Variants in AAR2 observed in about 807,000 individuals in gnomAD.
AAR2 encodes the protein AAR2 splicing factor, also known as protein AAR2 homolog.
In AAR2, 31 loss-of-function variants were observed where a neutral mutation model predicts 26.9. That is an observed-to-expected ratio of 1.15 (90% CI 0.86 to 1.55). The LOEUF (loss-of-function observed/expected upper bound fraction) is 1.55, where lower values mean the gene tolerates loss of function less well. Among genes scored for constraint, AAR2 ranks in the 40% most tolerant of loss-of-function variants. The pLI, the probability that AAR2 is intolerant of heterozygous loss-of-function variation, is 0.00. For synonymous variants in AAR2, 188 were observed against 196.1 expected, an observed-to-expected ratio of 0.96 and a Z score of 0.34; for missense variants, 430 against 491.3, an observed-to-expected ratio of 0.88 and a Z score of 1.18.
intron 3 of AAR2, among the ~76,000 whole-genome samples, chr20:36,248,492 C>G (rs748451042): frequency 6.6e-6 from 1 of 152,040 alleles, no homozygotes; most frequent in Non-Finnish European, 1.5e-5. Flanking sequence ...TGCACCACCA[C>G]GCCAACCTAA....
At position 36,256,043 on chromosome 20, in the gene AAR2, G is replaced by A. The variant is rs2064818792; in HGVS notation, c.*298G>A. On this transcript the variant is annotated 3_prime_UTR_variant, in exon 4 of 4. Transcript: ENST00000320849. ...CTCCTAGGAGACATCTGCCTACACG[G>A]CAACCATATTTCCTCTGAATGAGAA... The A allele has an allele frequency of 3.3e-6, 1 of 303,900 alleles. No homozygotes were observed. Among genetic ancestry groups the A allele is most frequent in the East Asian group, 5.5e-5 (1 of 18,142 alleles). The allele number at this position is 303,900 out of a possible 1,614,324, so 18.8% of individuals were successfully genotyped here. A position where few individuals can be genotyped will look rare whatever the true frequency, so the allele number is the denominator to read the frequency against.
At chr20:36,250,448 T>G (rs558124969) in intron 3 of AAR2, among the ~76,000 whole-genome samples, 2 of 152,244 alleles carry the variant, frequency 1.3e-5, no homozygotes, top group Non-Finnish European at 2.9e-5. Context: ...AGACCACTGT[T>G]AAGTTTCCTG....
Position 36,256,096 on chromosome 20 carries a change from A to C in AAR2, c.*351A>C. ...AATTGAACCAAAAGTCCAAGAAAGAACTGATTGCTTGTTCCATAGGAGCTT... is the reference window on the plus strand; with the variant it reads ...AATTGAACCAAAAGTCCAAGAAAGACCTGATTGCTTGTTCCATAGGAGCTT... On this transcript the variant is annotated 3_prime_UTR_variant, in exon 4 of 4. Transcript: ENST00000320849. The C allele has an allele frequency of 5.0e-6, 1 of 200,854 alleles. No individual in the cohort carries two copies. The highest frequency in any genetic ancestry group is 1.0e-5 in the Non-Finnish European group (1 of 99,276). The allele number at this position is 200,854 out of a possible 1,614,324, so 12.4% of individuals were successfully genotyped here.
chr20:36,245,358 T>A (rs1415518673), intron 3 of AAR2, among the ~76,000 whole-genome samples: 1 of 152,244 alleles, frequency 6.6e-6, no homozygotes, highest in Admixed American at 6.5e-5. Flanking sequence ...AAACAAAATG[T>A]GCCAGTTTCT....
chr20:36,237,714 T>G (rs1746616467), intron 1 of AAR2, among the ~76,000 whole-genome samples: 1 of 151,034 alleles, frequency 6.6e-6, no homozygotes, highest in Non-Finnish European at 1.5e-5. Flanking sequence ...TATTAAATAC[T>G]TTCTGAATTC....
At chr20:36,237,427 CTT>C (rs1414156506) in intron 1 of AAR2, among the ~76,000 whole-genome samples, 4 of 152,090 alleles carry the variant, frequency 2.6e-5, no homozygotes. Context: ...ATGGATGTGA[CTT>C]TAGGTGTTCC....
rs369341506 is a variant in AAR2, at chr20:36,239,698, A to T, written c.-48-123A>T. 87 of 755,210 alleles carry T rather than the reference A, an allele frequency of 1.2e-4. 1 individual carries two copies. The East Asian group carries it at 1.2e-3, about 11-fold the overall frequency. The allele number at this position is 755,210 out of a possible 1,614,324, so 46.8% of individuals were successfully genotyped here. On this transcript the variant is annotated intron_variant, in intron 1 of 3. Transcript: ENST00000320849. Reference sequence around the variant, plus strand: ...TCTGTAAACTCAATGCAGGGTTGTCATGAGGATTAAGGGAAATAATTATGT... The same window carrying T: ...TCTGTAAACTCAATGCAGGGTTGTCTTGAGGATTAAGGGAAATAATTATGT...
chr20:36,248,234 G>T (rs2064753052), intron 3 of AAR2, among the ~76,000 whole-genome samples: 1 of 152,040 alleles, frequency 6.6e-6, no homozygotes, highest in Non-Finnish European at 1.5e-5. Context: ...CATGAGATGT[G>T]CTTGCTGAAA....
In AAR2 at chr20:36,256,198, T is replaced by G. The variant is rs931625701; in HGVS notation, c.*453T>G. 6.5e-6 allele frequency: 1 copy of G among 154,496 alleles called. No individual in the cohort carries two copies. The highest frequency in any genetic ancestry group is 1.4e-5 in the Non-Finnish European group (1 of 69,696). The allele number at this position is 154,496 out of a possible 1,614,324, so 9.6% of individuals were successfully genotyped here. A position where few individuals can be genotyped will look rare whatever the true frequency, so the allele number is the denominator to read the frequency against. The stretch of plus-strand genomic sequence containing the variant: ...ACTTTTTTTGCGGTTAAATGAAGGG[T>G]GATGGGGAGATCAGCCCGAATTGCC... On this transcript the variant is annotated 3_prime_UTR_variant, in exon 4 of 4. Transcript: ENST00000320849.
At chr20:36,252,359 C>T (rs2064786711) in intron 3 of AAR2, among the ~76,000 whole-genome samples, 1 of 152,076 alleles carries the variant, frequency 6.6e-6, no homozygotes, top group Non-Finnish European at 1.5e-5. Flanking sequence ...GGCGCTGTGC[C>T]GAGAGTGGAG....
In AAR2 at chr20:36,240,415, A is replaced by G. The variant is rs1038239797; in HGVS notation, c.547A>G (p.Ile183Val). Residue 183 changes from isoleucine to valine, a missense_variant, in exon 2 of 4, where the codon ATT becomes GTT. Coordinates refer to ENST00000320849, the MANE Select transcript of AAR2 (RefSeq NM_001271874.2). ...RVGQNLPRCG[I>V]ECKSYQEGLA... ...GGGGCAGAATCTACCCCGCTGTGGCATTGAGTGCAAAAGCTACCAAGAGGG... is the reference window on the plus strand; with the variant it reads ...GGGGCAGAATCTACCCCGCTGTGGCGTTGAGTGCAAAAGCTACCAAGAGGG... The G allele has an allele frequency of 3.7e-6, 6 of 1,614,114 alleles. No individual in the cohort carries two copies. The highest frequency in any genetic ancestry group is 4.5e-5 in the East Asian group (2 of 44,894).
intron 2 of AAR2, among the ~76,000 whole-genome samples, chr20:36,243,232 A>T (rs1399054590): frequency 1.3e-5 from 2 of 152,272 alleles, no homozygotes; most frequent in African/African-American, 2.4e-5. Context: ...AAATTTAATA[A>T]ATGTCCTAAA....
chr20:36,242,477 G>A (rs892188215), intron 2 of AAR2, among the ~76,000 whole-genome samples: 6 of 151,840 alleles, frequency 4.0e-5, no homozygotes, highest in Admixed American at 2.0e-4. Flanking sequence ...TGCAAGCTCC[G>A]CCTCCCGGGT....
At chr20:36,252,197 G>A (rs1462277948) in intron 3 of AAR2, among the ~76,000 whole-genome samples, 2 of 152,168 alleles carry the variant, frequency 1.3e-5, no homozygotes, top group African/African-American at 4.8e-5. Flanking sequence ...CTTCTCCTTA[G>A]GATGAGCCTT....
At chr20:36,246,431 G>A (rs2064735200) in intron 3 of AAR2, among the ~76,000 whole-genome samples, 1 of 152,208 alleles carries the variant, frequency 6.6e-6, no homozygotes, top group Non-Finnish European at 1.5e-5. Flanking sequence ...ACTCAGAAGA[G>A]CTATAAAACT....
chr20:36,239,344 G>A (rs926738494), intron 1 of AAR2, among the ~76,000 whole-genome samples: 1 of 152,228 alleles, frequency 6.6e-6, no homozygotes, highest in African/African-American at 2.4e-5. Context: ...AACTGGATAT[G>A]TACTTGATTT....
intron 1 of AAR2, among the ~76,000 whole-genome samples, chr20:36,238,798 GT>G (rs1364443412): frequency 1.3e-5 from 2 of 151,488 alleles, no homozygotes; most frequent in Admixed American, 6.6e-5. Flanking sequence ...CAGGCAGCTC[GT>G]TTTTCTGTGT....
At chr20:36,240,658 C>T (rs1400108642) in intron 2 of AAR2, 33 bp downstream of exon 2, 1 of 1,592,994 alleles carries the variant, frequency 6.3e-7, no homozygotes, top group Non-Finnish European at 8.6e-7. Context: ...GGGAGTGGGC[C>T]AAGGGGAGGA....
intron 1 of AAR2, among the ~76,000 whole-genome samples, 158 bp from the exon 2 acceptor site, chr20:36,239,663 G>T: frequency 6.6e-6 from 1 of 152,148 alleles, no homozygotes; most frequent in Middle Eastern, 3.4e-3. Context: ...TTTAATCCTC[G>T]TTTTTCTCAT....
Sources: allele counts gnomAD v4.1 joint callset (sites outside exome capture counted in the v4.1 genomes callset), GRCh38; gene constraint gnomAD v4.1.1; transcripts MANE v1.5; gene names NCBI Gene and HGNC (gene_info 2026-07-23, HGNC 2026-07-21).